The following RSRC1 variants were observed in gnomAD, a reference collection of about 807,000 sequenced individuals.
The protein encoded by RSRC1 is serine/Arginine-related protein 53.
RSRC1 carries 39 observed loss-of-function variants against 49.1 expected under a neutral mutation model. The observed-to-expected ratio is 0.79, with a 90% CI of 0.61 to 1.04. The LOEUF is 1.04. Ranked by LOEUF, RSRC1 falls within the 50% of genes least tolerant of loss-of-function variation. The pLI is 0.00. For missense variants in RSRC1, 388 were observed against 402.4 expected (o/e 0.96, Z 0.31); for synonymous variants, 143 against 130.8 (o/e 1.09, Z -0.63).
At chr3:158,116,049 T>G (rs1291049316) in intron 1 of RSRC1, among the ~76,000 whole-genome samples, 1 of 152,220 alleles carries the variant, frequency 6.6e-6, no homozygotes, top group Non-Finnish European at 1.5e-5. Flanking sequence ...GTTAGGCATA[T>G]CTTTCTAATG....
At chr3:158,413,923 G>A (rs1248964189) in intron 6 of RSRC1, among the ~76,000 whole-genome samples, 2 of 152,188 alleles carry the variant, frequency 1.3e-5, no homozygotes, top group African/African-American at 2.4e-5. Flanking sequence ...GGAAGTCAGT[G>A]TGGAGATTCC....
chr3:158,498,672 A>G (rs1424539578), intron 7 of RSRC1, among the ~76,000 whole-genome samples: 4 of 152,158 alleles, frequency 2.6e-5, no homozygotes, highest in Non-Finnish European at 5.9e-5. Flanking sequence ...GGTTTTTACA[A>G]TGTTATCTTC....
At chr3:158,510,161 GT>G (rs1740077939) in intron 7 of RSRC1, among the ~76,000 whole-genome samples, 1 of 152,146 alleles carries the variant, frequency 6.6e-6, no homozygotes, top group South Asian at 2.1e-4. Flanking sequence ...ACTATAAAAT[GT>G]TATCTGATTT....
chr3:158,378,603 C>T (rs764268308), intron 6 of RSRC1, among the ~76,000 whole-genome samples: 5 of 152,210 alleles, frequency 3.3e-5, no homozygotes, highest in Non-Finnish European at 7.3e-5. Context: ...ACCTCATCTT[C>T]AAACTGCAAG....
intron 4 of RSRC1, among the ~76,000 whole-genome samples, chr3:158,259,209 T>C (rs1484925571): frequency 6.6e-6 from 1 of 152,192 alleles, no homozygotes; most frequent in Non-Finnish European, 1.5e-5. Flanking sequence ...TTCATCCTTC[T>C]TGGGGAGGCT....
At chr3:158,318,275 A>G (rs1213924527) in intron 5 of RSRC1, among the ~76,000 whole-genome samples, 1 of 152,074 alleles carries the variant, frequency 6.6e-6, no homozygotes, top group Non-Finnish European at 1.5e-5. Context: ...ACATGTTACC[A>G]TATGACAGTC....
chr3:158,333,916 A>G (rs116719681), intron 5 of RSRC1, among the ~76,000 whole-genome samples: 1,676 of 152,342 alleles, frequency 0.011, 8 homozygotes, highest in Non-Finnish European at 0.017. Flanking sequence ...AGTAGCACAG[A>G]GAATGGGTGT....
intron 7 of RSRC1, among the ~76,000 whole-genome samples, chr3:158,499,341 C>T (rs1442254951): frequency 6.6e-6 from 1 of 152,012 alleles, no homozygotes. Context: ...TGTGCCACTG[C>T]ACTCCAGCCT....
intron 6 of RSRC1, among the ~76,000 whole-genome samples, chr3:158,396,629 A>G (rs1733626134): frequency 6.6e-6 from 1 of 152,090 alleles, no homozygotes; most frequent in South Asian, 2.1e-4. Context: ...TATAATGGCA[A>G]GACATACAAG....
chr3:158,117,207 G>A (rs2108155013), intron 1 of RSRC1, among the ~76,000 whole-genome samples: 1 of 152,204 alleles, frequency 6.6e-6, no homozygotes, highest in South Asian at 2.1e-4. Context: ...AGGCTCTTCT[G>A]TATATTCCTG....
intron 3 of RSRC1, among the ~76,000 whole-genome samples, chr3:158,142,241 A>G (rs944002688): frequency 2.0e-5 from 3 of 152,230 alleles, no homozygotes; most frequent in African/African-American, 7.2e-5. Context: ...TTCTTTATAT[A>G]TATCTCCCTA....
intron 6 of RSRC1, among the ~76,000 whole-genome samples, chr3:158,437,117 C>CAA (rs532404712): frequency 7.2e-6 from 1 of 139,760 alleles, no homozygotes; most frequent in Non-Finnish European, 1.6e-5. Flanking sequence ...TACACACACA[C>CAA]AAAAAAAAAA....
intron 7 of RSRC1, among the ~76,000 whole-genome samples, chr3:158,487,140 A>G (rs1738844420): frequency 6.6e-6 from 1 of 152,218 alleles, no homozygotes; most frequent in Non-Finnish European, 1.5e-5. Flanking sequence ...ATACTGTTGC[A>G]CAGATAAGCA....
chr3:158,111,412 G>A (rs1714396431), intron 1 of RSRC1, among the ~76,000 whole-genome samples: 1 of 152,250 alleles, frequency 6.6e-6, no homozygotes, highest in Non-Finnish European at 1.5e-5. Context: ...GGGGTGTTAT[G>A]AATTGGAAAA....
intron 4 of RSRC1, among the ~76,000 whole-genome samples, chr3:158,211,530 A>G (rs1721674615): frequency 6.6e-6 from 1 of 151,882 alleles, no homozygotes; most frequent in South Asian, 2.1e-4. Context: ...GACAAAATTC[A>G]TTTGCCTGTT....
At chr3:158,486,532 G>A (rs1738825853) in intron 7 of RSRC1, among the ~76,000 whole-genome samples, 1 of 152,146 alleles carries the variant, frequency 6.6e-6, no homozygotes, top group African/African-American at 2.4e-5. Flanking sequence ...AGAAATGCTG[G>A]TAGACTGCTT....
intron 7 of RSRC1, among the ~76,000 whole-genome samples, chr3:158,493,712 G>T (rs913311794): frequency 6.6e-6 from 1 of 152,166 alleles, no homozygotes; most frequent in Non-Finnish European, 1.5e-5. Flanking sequence ...CTGATTGTTT[G>T]CAGCTCAGCA....
chr3:158,233,373 G>T (rs561098187), intron 4 of RSRC1, among the ~76,000 whole-genome samples: 3 of 152,244 alleles, frequency 2.0e-5, no homozygotes, highest in African/African-American at 7.2e-5. Context: ...GATTGCAATT[G>T]TCTTGTTAAC....
intron 5 of RSRC1, among the ~76,000 whole-genome samples, chr3:158,313,313 C>T (rs187195178): frequency 0.012 from 1,822 of 152,218 alleles, 36 homozygotes; most frequent in Non-Finnish European, 0.012. Context: ...AGTAGGCACT[C>T]AATAAATGTT....
Sources: gnomAD v4.1 joint callset for allele counts (sites outside exome capture counted in the v4.1 genomes callset) on GRCh38, gnomAD v4.1.1 for gene constraint, MANE v1.5 for transcripts, NCBI Gene and HGNC (gene_info 2026-07-23, HGNC 2026-07-21) for gene names.